Variants in FGF1 observed in about 807,000 individuals in gnomAD.
FGF1 encodes the protein fibroblast growth factor 1.
In FGF1, 9 loss-of-function variants were observed where a neutral mutation model predicts 13.4. That is an observed-to-expected ratio of 0.67 (90% CI 0.40 to 1.17). The LOEUF is 1.17. FGF1 is among the 50% of genes most tolerant of loss of function. The pLI is 0.01. For synonymous variants in FGF1, 93 were observed against 79.0 expected, an observed-to-expected ratio of 1.18 and a Z score of -0.94; for missense variants, 156 against 192.7, an observed-to-expected ratio of 0.81 and a Z score of 1.13.
intron 1 of FGF1, among the ~76,000 whole-genome samples, chr5:142,676,588 G>C (rs146136342): frequency 6.6e-6 from 1 of 152,296 alleles, no homozygotes; most frequent in East Asian, 1.9e-4. Context: ...TTCATGCTTT[G>C]ACCAACATGC....
At chr5:142,619,575 G>A (rs55661388) in intron 1 of FGF1, among the ~76,000 whole-genome samples, 3,490 of 152,240 alleles carry the variant, frequency 0.023, 50 homozygotes, top group Non-Finnish European at 0.035. Context: ...TAGTCCAAGC[G>A]GCAACTGGTA....
chr5:142,670,759 G>A (rs886271526), intron 1 of FGF1, among the ~76,000 whole-genome samples: 16 of 152,208 alleles, frequency 1.1e-4, no homozygotes, highest in Non-Finnish European at 1.3e-4. Flanking sequence ...TTGGACTTCA[G>A]GGGTTTTGCC....
At chr5:142,599,820 A>G (rs1421161518) in intron 3 of FGF1, among the ~76,000 whole-genome samples, 1 of 151,386 alleles carries the variant, frequency 6.6e-6, no homozygotes, top group African/African-American at 2.4e-5. Context: ...CTGAAGAAAC[A>G]ATTAGACTAT....
chr5:142,669,872 C>T (rs1771119499), intron 1 of FGF1, among the ~76,000 whole-genome samples: 11 of 152,096 alleles, frequency 7.2e-5, no homozygotes. Context: ...TCTGAGATCC[C>T]CAGTGCAGCC....
Position 142,697,621 on chromosome 5 carries a change from C to A in FGF1, c.-35+1G>T, listed in dbSNP as rs1314995773. The A allele has an allele frequency of 6.6e-6, 1 of 152,318 alleles. No homozygotes were observed. The highest frequency in any genetic ancestry group is 1.5e-5 in the Non-Finnish European group (1 of 68,138). The allele number at this position is 152,318 out of a possible 1,614,324, so 9.4% of individuals were successfully genotyped here. A position where few individuals can be genotyped will look rare whatever the true frequency, so the allele number is the denominator to read the frequency against. On this transcript the variant is annotated splice_donor_variant, in intron 2 of 4. Transcript: ENST00000407758. LOFTEE classifies it low-confidence loss of function (5UTR_SPLICE). ...CCCTTTGCAGAAACAGATGCACTCA[C>A]CTCTTTGCCTTGGCTCTGGGGTGCT...
chr5:142,650,477 G>GTAAT (rs1290036778), intron 1 of FGF1, among the ~76,000 whole-genome samples: 1 of 152,124 alleles, frequency 6.6e-6, no homozygotes, highest in African/African-American at 2.4e-5. Flanking sequence ...CAGAAGGGTA[G>GTAAT]TAATTACAGT....
At chr5:142,645,352 G>A (rs1263262963) in intron 1 of FGF1, among the ~76,000 whole-genome samples, 1 of 152,090 alleles carries the variant, frequency 6.6e-6, no homozygotes, top group African/African-American at 2.4e-5. Flanking sequence ...TGGGGTGCTG[G>A]GAGACATCGC....
At chr5:142,692,919 A>C (rs1752475196) in intron 2 of FGF1, among the ~76,000 whole-genome samples, 1 of 152,242 alleles carries the variant, frequency 6.6e-6, no homozygotes, top group South Asian at 2.1e-4. Flanking sequence ...TTAAGTGTAA[A>C]GAGACAAGCC....
Position 142,638,076 on chromosome 5 carries a change from G to A in FGF1, c.-34-23915C>T, listed in dbSNP as rs184451411. On this transcript the variant is annotated intron_variant, in intron 1 of 3. Coordinates refer to ENST00000337706, the MANE Select transcript of FGF1 (RefSeq NM_000800.5). ...ACAAAGCATGGCAGTGAACAAAGCC[G>A]GCAGAGCTTTCATTCCAGTCATTTC... 3.4e-4 allele frequency among the ~76,000 whole-genome samples: 52 copies of A among 152,060 alleles called. 2 individuals carry two copies. Among genetic ancestry groups the A allele is most frequent in the African/African-American group, 1.2e-3 (51 of 41,368 alleles).
At chr5:142,598,923 G>A (rs920015829) in intron 3 of FGF1, among the ~76,000 whole-genome samples, 1 of 152,138 alleles carries the variant, frequency 6.6e-6, no homozygotes, top group Admixed American at 6.5e-5. Flanking sequence ...ATTTAAAGAG[G>A]GAAAAGCCAT....
chr5:142,654,152 A>G (rs1211383076), intron 1 of FGF1, among the ~76,000 whole-genome samples: 2 of 152,220 alleles, frequency 1.3e-5, no homozygotes, highest in African/African-American at 2.4e-5. Flanking sequence ...CTGGACTGAC[A>G]TGATCTGTTT....
intron 1 of FGF1, among the ~76,000 whole-genome samples, chr5:142,632,370 A>G (rs890736910): frequency 6.6e-6 from 1 of 152,212 alleles, no homozygotes; most frequent in Non-Finnish European, 1.5e-5. Context: ...AGTGTTGTTC[A>G]AAGATACTTC....
intron 1 of FGF1, among the ~76,000 whole-genome samples, chr5:142,660,600 C>T (rs1769039799): frequency 6.6e-6 from 1 of 152,230 alleles, no homozygotes; most frequent in African/African-American, 2.4e-5. Flanking sequence ...CACTCGCCTT[C>T]TGATCACACC....
chr5:142,687,999 C>T (rs1377310745), upstream of FGF1, among the ~76,000 whole-genome samples: 1 of 152,196 alleles, frequency 6.6e-6, no homozygotes, highest in Admixed American at 6.5e-5. Flanking sequence ...CAAGTGTGTT[C>T]GAGCACCTTG....
At position 142,676,726 on chromosome 5, in the gene FGF1, T is replaced by C. The variant is rs117096258; in HGVS notation, c.-35+9231A>G. On this transcript the variant is annotated intron_variant, in intron 1 of 3. Transcript: ENST00000337706. The stretch of plus-strand genomic sequence containing the variant: ...TAGCTTTCCAAGGAGCTTAGGGCTC[T>C]GCTTCACATGCCTTCAGCTAAGACA... Among the ~76,000 whole-genome samples, 211 of 152,338 alleles carry C rather than the reference T, an allele frequency of 1.4e-3. 6 individuals are homozygous for C. In the East Asian group the frequency reaches 0.034, roughly 24 times the overall value.
At chr5:142,666,591 T>C (rs1415955615) in intron 1 of FGF1, among the ~76,000 whole-genome samples, 2 of 152,102 alleles carry the variant, frequency 1.3e-5, no homozygotes, top group South Asian at 2.1e-4. Flanking sequence ...CAAAGTGGCA[T>C]ATAAAGATGT....
intron 1 of FGF1, among the ~76,000 whole-genome samples, chr5:142,649,957 G>A (rs890027311): frequency 1.3e-5 from 2 of 152,134 alleles, no homozygotes; most frequent in Non-Finnish European, 2.9e-5. Context: ...ATCACATCTT[G>A]GCCTTTTGGC....
chr5:142,650,338 C>T (rs1006114886), intron 1 of FGF1, among the ~76,000 whole-genome samples: 1 of 152,190 alleles, frequency 6.6e-6, no homozygotes, highest in African/African-American at 2.4e-5. Flanking sequence ...TTCAGAAAGA[C>T]AGTCAAGGTG....
chr5:142,671,804 G>A (rs1443942404), intron 1 of FGF1: 2 of 152,192 alleles, frequency 1.3e-5, no homozygotes, highest in African/African-American at 4.8e-5. Flanking sequence ...AGAGTGCTCG[G>A]GAGACCTTTA....
Sources: allele counts gnomAD v4.1 joint callset (sites outside exome capture counted in the v4.1 genomes callset), GRCh38; gene constraint gnomAD v4.1.1; transcripts MANE v1.5; gene names NCBI Gene and HGNC (gene_info 2026-07-23, HGNC 2026-07-21).